The following GON4L variants were observed in gnomAD, a reference collection of about 807,000 sequenced individuals.
The protein encoded by GON4L is GON-4-like protein.
Under a neutral mutation model 211.8 loss-of-function variants are expected in GON4L, and 87 were observed. That is an observed-to-expected ratio of 0.41 (90% CI 0.35 to 0.49). GON4L has a LOEUF of 0.49. Among genes scored for constraint, GON4L ranks in the 20% least tolerant of loss-of-function variants. GON4L has a pLI of 0.15. For synonymous variants in GON4L, 875 were observed against 962.6 expected (o/e 0.91, Z 1.68); for missense variants, 2,155 against 2,659.5 (o/e 0.81, Z 4.17).
chr1:155,762,404 C>T (rs1661908202), intron 22 of GON4L, 30 bp from the exon 23 acceptor site: 10 of 1,558,900 alleles, frequency 6.4e-6, no homozygotes, highest in Non-Finnish European at 7.9e-6. Flanking sequence ...GGATTGTTTC[C>T]CTGTCCCTGC....
At chr1:155,831,286 G>A (rs1185928239) in intron 2 of GON4L, among the ~76,000 whole-genome samples, 1 of 151,878 alleles carries the variant, frequency 6.6e-6, no homozygotes, top group Non-Finnish European at 1.5e-5. Flanking sequence ...GTAACACGGT[G>A]GGACCCTGTC....
chr1:155,833,090 GATTA>G (rs1449025923), intron 2 of GON4L: 1 of 151,966 alleles, frequency 6.6e-6, no homozygotes, highest in Non-Finnish European at 1.5e-5. Flanking sequence ...CAGTTCTCCA[GATTA>G]ATGAAGGGGA....
intron 3 of GON4L, among the ~76,000 whole-genome samples, chr1:155,823,340 T>C (rs920760092): frequency 4.6e-5 from 7 of 152,140 alleles, no homozygotes; most frequent in African/African-American, 7.2e-5. Context: ...ATGATCTTAA[T>C]AGAGATAGGA....
At chr1:155,813,926 TCTC>T in intron 9 of GON4L, 122 bp from the exon 10 acceptor site, 1 of 767,250 alleles carries the variant, frequency 1.3e-6, no homozygotes, top group South Asian at 1.5e-5. Flanking sequence ...TCCTTTCTCT[TCTC>T]TAGTTAGAGT....
intron 24 of GON4L, among the ~76,000 whole-genome samples, chr1:155,758,421 C>A (rs552080700): frequency 5.3e-5 from 8 of 152,202 alleles, no homozygotes; most frequent in Non-Finnish European, 1.2e-4. Context: ...GCAGGAGGAT[C>A]GCTTAAGGCC....
chr1:155,838,547 G>C (rs1670510362), intron 2 of GON4L, among the ~76,000 whole-genome samples: 1 of 152,094 alleles, frequency 6.6e-6, no homozygotes, highest in Non-Finnish European at 1.5e-5. Context: ...GGCCAAGGCA[G>C]GTGGATCACT....
intron 2 of GON4L, chr1:155,845,431 G>T: frequency 2.9e-6 from 1 of 345,080 alleles, no homozygotes; most frequent in South Asian, 2.5e-5. Flanking sequence ...TGCTCAATGT[G>T]GTGGATCATT....
At chr1:155,817,674 G>A (rs1668367612) in intron 6 of GON4L, among the ~76,000 whole-genome samples, 1 of 152,178 alleles carries the variant, frequency 6.6e-6, no homozygotes, top group South Asian at 2.1e-4. Flanking sequence ...CCCATGTTGG[G>A]AGATCAAGGC....
intron 3 of GON4L, among the ~76,000 whole-genome samples, chr1:155,825,463 C>T (rs1669111520): frequency 6.6e-6 from 1 of 151,030 alleles, no homozygotes; most frequent in Non-Finnish European, 1.5e-5. Flanking sequence ...TCCCAGCTAC[C>T]CAGGAGGCTG....
At chr1:155,786,944 C>G (rs796356956) in intron 12 of GON4L, among the ~76,000 whole-genome samples, 1 of 149,290 alleles carries the variant, frequency 6.7e-6, no homozygotes, top group African/African-American at 2.5e-5. Context: ...TTTTTTGAGA[C>G]GGAGTCTTGC....
chr1:155,831,171 C>T (rs940943471), intron 2 of GON4L, among the ~76,000 whole-genome samples: 1 of 151,992 alleles, frequency 6.6e-6, no homozygotes, highest in Non-Finnish European at 1.5e-5. Context: ...TGGTGGTGCA[C>T]ACCTGTAGTC....
rs1421573965 is a variant in GON4L, at chr1:155,853,670, G to T, written c.111C>A (p.Asp37Glu). 1.2e-5 allele frequency: 20 copies of T among 1,613,740 alleles called. No individual in the cohort carries two copies. Among genetic ancestry groups the T allele is most frequent in the Non-Finnish European group, 1.7e-5 (20 of 1,179,658 alleles). Reference protein sequence around the residue: ...DLESAVKPESDQVKDLSSVSL... With the variant: ...DLESAVKPESEQVKDLSSVSL... ...ACACCGAACTCAAGTCCTTAACCTG[G>T]TCAGATTCTGGTTTAACGGCTGATT... Residue 37 changes from aspartate to glutamate, a missense_variant, in exon 2 of 32, where the codon GAC becomes GAA. Physicochemically the swap from Asp to Glu is conservative, Grantham distance 45. Around this residue, in one of 6 missense-constraint regions of GON4L, gnomAD observed 313 missense variants for 293.2 expected, o/e 1.07. Coordinates refer to ENST00000368331, the MANE Select transcript of GON4L (RefSeq NM_001282860.2).
chr1:155,840,174 C>A (rs1557921658), intron 2 of GON4L, among the ~76,000 whole-genome samples: 1 of 152,120 alleles, frequency 6.6e-6, no homozygotes, highest in Non-Finnish European at 1.5e-5. Context: ...TTCAGAGTAA[C>A]CAGAAAACTT....
At chr1:155,827,660 T>G (rs1455883932) in intron 2 of GON4L, among the ~76,000 whole-genome samples, 4 of 148,354 alleles carry the variant, frequency 2.7e-5, no homozygotes, top group African/African-American at 1.0e-4. Context: ...CACTCCAGAC[T>G]GGACAACGCA....
chr1:155,808,041 A>T lies in GON4L; in HGVS notation c.1453-2900T>A, dbSNP rs548173838. Among the ~76,000 whole-genome samples the T allele has an allele frequency of 4.0e-3, 597 of 149,264 alleles. 4 individuals are homozygous for T. The highest frequency in any genetic ancestry group is 0.015 in the African/African-American group (585 of 40,162). On this transcript the variant is annotated intron_variant, in intron 10 of 31. Coordinates refer to ENST00000368331, the MANE Select transcript of GON4L (RefSeq NM_001282860.2). Reference sequence around the variant, plus strand: ...CACAAAAATCTTTTCTTATTTATTTATTTTTTTTTTTTTTTGAGATGGAGT... The same window carrying T: ...CACAAAAATCTTTTCTTATTTATTTTTTTTTTTTTTTTTTTGAGATGGAGT...
At chr1:155,841,796 G>C (rs1670792175) in intron 2 of GON4L, among the ~76,000 whole-genome samples, 1 of 152,212 alleles carries the variant, frequency 6.6e-6, no homozygotes, top group African/African-American at 2.4e-5. Flanking sequence ...GGGAAGCCAA[G>C]GCAGACAGAT....
intron 5 of GON4L, among the ~76,000 whole-genome samples, chr1:155,820,905 T>C (rs1052935076): frequency 6.6e-6 from 1 of 151,704 alleles, no homozygotes; most frequent in African/African-American, 2.4e-5. Flanking sequence ...GATCGCTGAG[T>C]CCAGCTTAGG....
intron 12 of GON4L, among the ~76,000 whole-genome samples, chr1:155,793,004 G>A (rs920692951): frequency 3.3e-5 from 5 of 151,960 alleles, no homozygotes; most frequent in African/African-American, 7.2e-5. Flanking sequence ...GGGCTCATGC[G>A]ATCCTTCTGC....
rs768261383 is a variant in GON4L at position 155,838,694 on chromosome 1, C to T, written c.506-11666G>A. On this transcript the variant is annotated intron_variant, in intron 2 of 31. Transcript: ENST00000368331. ...CTGAGGCCCAAGAAGCTCTTGAATC[C>T]GGGAGGCAGAGGTTACAGTAAGCTA... Among the ~76,000 whole-genome samples the T allele has an allele frequency of 5.3e-5, 8 of 150,794 alleles. No individual in the cohort carries two copies. The South Asian group carries it at 1.7e-3, about 31-fold the overall frequency.
Sources: allele counts gnomAD v4.1 joint callset (sites outside exome capture counted in the v4.1 genomes callset), GRCh38; gene constraint gnomAD v4.1.1; regional missense constraint gnomAD v4.1.1; transcripts MANE v1.5; gene names NCBI Gene and HGNC (gene_info 2026-07-23, HGNC 2026-07-21).